XIRP2: variants seen among roughly 807,000 people sequenced by gnomAD.
XIRP2 encodes the protein xin actin binding repeat containing 2, also known as xin actin-binding repeat-containing protein 2.
In XIRP2, 236 loss-of-function variants were observed where a neutral mutation model predicts 277.0. That is an observed-to-expected ratio of 0.85 (90% CI 0.77 to 0.95). The LOEUF is 0.95. Among genes scored for constraint, XIRP2 ranks in the 40% least tolerant of loss-of-function variants. XIRP2 has a pLI of 0.00. For synonymous variants in XIRP2, 1,490 were observed against 1,416.5 expected (o/e 1.05, Z -1.17); for missense variants, 4,640 against 4,157.5 (o/e 1.12, Z -3.19).
chr2:166,907,994 T>A (rs1300139242), intron 2 of XIRP2, among the ~76,000 whole-genome samples: 1 of 150,840 alleles, frequency 6.6e-6, no homozygotes, highest in Non-Finnish European at 1.5e-5. Flanking sequence ...TGTGCCACAT[T>A]TAGTTAATCC....
At chr2:167,006,480 C>T (rs772207750) in intron 2 of XIRP2, among the ~76,000 whole-genome samples, 2 of 151,714 alleles carry the variant, frequency 1.3e-5, no homozygotes, top group Non-Finnish European at 2.9e-5. Context: ...TGCCTATTCA[C>T]GATGAGAAAT....
intron 2 of XIRP2, among the ~76,000 whole-genome samples, chr2:167,062,464 A>G (rs760242964): frequency 2.6e-5 from 4 of 152,168 alleles, no homozygotes; most frequent in Non-Finnish European, 5.9e-5. Context: ...CCCTGGGGCT[A>G]TTATACTACA....
chr2:167,132,563 A>G (rs1691412941), intron 2 of XIRP2, among the ~76,000 whole-genome samples: 1 of 149,356 alleles, frequency 6.7e-6, no homozygotes, highest in Non-Finnish European at 1.5e-5. Context: ...AAAACATTCA[A>G]TAACTTCCCA....
At chr2:166,970,080 C>G (rs1686538555) in intron 2 of XIRP2, among the ~76,000 whole-genome samples, 2 of 151,994 alleles carry the variant, frequency 1.3e-5, no homozygotes, top group South Asian at 4.1e-4. Flanking sequence ...GAACCAGAAT[C>G]TTATTGGAGC....
intron 2 of XIRP2, among the ~76,000 whole-genome samples, chr2:167,102,655 A>T (rs1574257160): frequency 6.6e-6 from 1 of 152,296 alleles, no homozygotes; most frequent in East Asian, 1.9e-4. Flanking sequence ...ATATGCTCTC[A>T]TTTAATCTTC....
At chr2:167,204,133 A>T (rs1029190263) in intron 3 of XIRP2, among the ~76,000 whole-genome samples, 5 of 152,162 alleles carry the variant, frequency 3.3e-5, no homozygotes, top group Non-Finnish European at 7.3e-5. Flanking sequence ...CCTGGTTCTT[A>T]GGTGGCATTA....
chr2:167,162,309 G>A (rs1042642440), intron 3 of XIRP2, among the ~76,000 whole-genome samples: 8 of 152,172 alleles, frequency 5.3e-5, no homozygotes, highest in Non-Finnish European at 1.0e-4. Flanking sequence ...CCAATTTGCT[G>A]TATTAGTCTG....
chr2:166,910,294 G>C (rs906544773), intron 2 of XIRP2, among the ~76,000 whole-genome samples: 4 of 152,178 alleles, frequency 2.6e-5, no homozygotes, highest in African/African-American at 9.7e-5. Flanking sequence ...TTCACAGCCA[G>C]TTATTAGTCT....
chr2:166,940,420 T>C (rs1227284446), intron 2 of XIRP2, among the ~76,000 whole-genome samples: 2 of 152,202 alleles, frequency 1.3e-5, no homozygotes, highest in Non-Finnish European at 2.9e-5. Context: ...AGAAGTTTGA[T>C]CGTCTGAAGC....
intron 2 of XIRP2, among the ~76,000 whole-genome samples, chr2:167,029,258 G>A (rs926426849): frequency 1.3e-5 from 2 of 152,036 alleles, no homozygotes; most frequent in African/African-American, 2.4e-5. Flanking sequence ...AACAGGTGTG[G>A]TGAGAGAGGG....
At chr2:166,915,078 A>T (rs1010877158) in intron 2 of XIRP2, among the ~76,000 whole-genome samples, 2 of 151,800 alleles carry the variant, frequency 1.3e-5, no homozygotes, top group Admixed American at 6.6e-5. Flanking sequence ...CAGGTGGATC[A>T]TGAGGTCAGG....
chr2:166,934,017 G>A (rs1329091910), intron 2 of XIRP2, among the ~76,000 whole-genome samples: 3 of 151,940 alleles, frequency 2.0e-5, no homozygotes, highest in Non-Finnish European at 4.4e-5. Context: ...AGAATTACAG[G>A]AGTGTGAGGA....
At chr2:166,909,909 T>G (rs1684650618) in intron 2 of XIRP2, among the ~76,000 whole-genome samples, 1 of 152,230 alleles carries the variant, frequency 6.6e-6, no homozygotes, top group African/African-American at 2.4e-5. Context: ...TATGCTGGAT[T>G]ACATTTACTG....
chr2:167,002,331 G>T, intron 2 of XIRP2, among the ~76,000 whole-genome samples: 1 of 151,908 alleles, frequency 6.6e-6, no homozygotes, highest in East Asian at 1.9e-4. Flanking sequence ...AATCAATCTG[G>T]CTGTGGTTCA....
intron 2 of XIRP2, among the ~76,000 whole-genome samples, chr2:166,961,667 G>A (rs1341905594): frequency 6.6e-6 from 1 of 151,648 alleles, no homozygotes; most frequent in African/African-American, 2.4e-5. Flanking sequence ...GGCTGAAAAA[G>A]GACAGTGTGT....
intron 2 of XIRP2, among the ~76,000 whole-genome samples, chr2:166,956,339 G>A (rs1381223341): frequency 2.6e-5 from 4 of 151,768 alleles, no homozygotes; most frequent in African/African-American, 9.7e-5. Context: ...AATATCCTTT[G>A]TTAACTAAAA....
chr2:166,929,918 T>C (rs1685284834), intron 2 of XIRP2, among the ~76,000 whole-genome samples: 2 of 152,116 alleles, frequency 1.3e-5, no homozygotes, highest in African/African-American at 4.8e-5. Context: ...TGTAGATAGC[T>C]CATCTTCACC....
intron 2 of XIRP2, among the ~76,000 whole-genome samples, chr2:166,914,346 T>C (rs1330402928): frequency 6.6e-6 from 1 of 152,144 alleles, no homozygotes; most frequent in African/African-American, 2.4e-5. Flanking sequence ...TTTTTTGTTT[T>C]GTTTTGTTTT....
intron 2 of XIRP2, among the ~76,000 whole-genome samples, chr2:167,046,768 T>C (rs1688798162): frequency 6.6e-6 from 1 of 151,882 alleles, no homozygotes; most frequent in Non-Finnish European, 1.5e-5. Flanking sequence ...CACTGGAGCC[T>C]AATTGAGAGT....
Sources: allele counts gnomAD v4.1 joint callset (sites outside exome capture counted in the v4.1 genomes callset), GRCh38; gene constraint gnomAD v4.1.1; transcripts MANE v1.5; gene names NCBI Gene and HGNC (gene_info 2026-07-23, HGNC 2026-07-21).